Variants in CAND1 observed in about 807,000 individuals in gnomAD.
CAND1 encodes cullin-associated NEDD8-dissociated protein 1.
CAND1 carries 7 observed loss-of-function variants against 108.5 expected under a neutral mutation model. The ratio of observed to expected loss-of-function variants is 0.06; its 90% CI spans 0.04 to 0.12. The LOEUF (loss-of-function observed/expected upper bound fraction) is 0.12. Ranked by LOEUF, CAND1 falls within the 10% of genes least tolerant of loss-of-function variation. The probability of loss-of-function intolerance (pLI) is 1.00; values close to 1 mark genes in which losing one functional copy is unlikely to be tolerated. For synonymous variants in CAND1, 534 were observed against 512.0 expected (o/e 1.04, Z -0.58); for missense variants, 941 against 1,448.7 (o/e 0.65, Z 5.69).
At chr12:67,298,365 A>G (rs2044789719) in intron 6 of CAND1, among the ~76,000 whole-genome samples, 1 of 151,992 alleles carries the variant, frequency 6.6e-6, no homozygotes, top group African/African-American at 2.4e-5. Flanking sequence ...ATGCAGTAGC[A>G]TGGTGTCTTG....
rs761071984 is a variant in CAND1 at position 67,316,595 on chromosome 12, T to C, written c.*3765T>C. 4 of 152,204 alleles carry C rather than the reference T, an allele frequency of 2.6e-5. No homozygotes were observed. The highest frequency in any genetic ancestry group is 5.9e-5 in the Non-Finnish European group (4 of 68,038). 9.4% of individuals were successfully genotyped at this position (152,204 alleles called of 1,614,324 possible). A position where few individuals can be genotyped will look rare whatever the true frequency, so the allele number is the denominator to read the frequency against. ...ACCCTATAATGCCAGTGTGTCAGGTTTCAGAATGATATTTAGTAGACAGAA... is the reference window on the plus strand; with the variant it reads ...ACCCTATAATGCCAGTGTGTCAGGTCTCAGAATGATATTTAGTAGACAGAA... On this transcript the variant is annotated 3_prime_UTR_variant, in exon 15 of 15. Coordinates refer to ENST00000545606, the MANE Select transcript of CAND1 (RefSeq NM_018448.5).
chr12:67,297,823 G>C lies in CAND1; in HGVS notation c.824G>C (p.Cys275Ser), dbSNP rs1335018700. Residue 275 changes from cysteine to serine, a missense_variant, in exon 6 of 15, where the codon TGT (cysteine) becomes TCT (serine). Cys to Ser is a moderately radical substitution (Grantham distance 112, BLOSUM62 -1). Transcript: ENST00000545606. ...NVDDDELREY[C>S]IQAFESFVRR... ...GATGATGATGAATTAAGAGAGTACT[G>C]TATTCAAGCCTTTGAATCATTTGTA... is the stretch of plus-strand genomic sequence containing the variant. The C allele has an allele frequency of 6.3e-7, 1 of 1,598,376 alleles. No individual in the cohort carries two copies.
intron 1 of CAND1, among the ~76,000 whole-genome samples, chr12:67,274,583 A>C (rs1169247505): frequency 6.6e-6 from 1 of 152,210 alleles, no homozygotes; most frequent in East Asian, 1.9e-4. Context: ...TTGTTTAAGT[A>C]GAATTGGGTT....
chr12:67,312,188 G>A (rs1380282043), intron 14 of CAND1, among the ~76,000 whole-genome samples: 1 of 150,994 alleles, frequency 6.6e-6, no homozygotes. Context: ...TTTAGACCAA[G>A]AAGATGAAAC....
chr12:67,274,506 C>T (rs879437131), intron 1 of CAND1, among the ~76,000 whole-genome samples: 1 of 152,158 alleles, frequency 6.6e-6, no homozygotes, highest in Non-Finnish European at 1.5e-5. Flanking sequence ...AGAATAGGGA[C>T]CTTGTCTTAC....
At chr12:67,287,697 GTT>G (rs2044684484) in intron 2 of CAND1, among the ~76,000 whole-genome samples, 2 of 151,354 alleles carry the variant, frequency 1.3e-5, no homozygotes, top group East Asian at 3.9e-4. Context: ...TCTGTTGTCT[GTT>G]TCATTGATTT....
chr12:67,308,927 T>C (rs1275937408), intron 11 of CAND1, among the ~76,000 whole-genome samples: 1 of 151,968 alleles, frequency 6.6e-6, no homozygotes, highest in South Asian at 2.1e-4. Context: ...TTGCAGGTTT[T>C]TCAAGTTGGC....
At chr12:67,310,468 A>G in intron 13 of CAND1, 152 bp downstream of exon 13, 1 of 564,162 alleles carries the variant, frequency 1.8e-6, no homozygotes, top group Non-Finnish European at 3.1e-6. Flanking sequence ...TGCAAAAGTA[A>G]TAGGCAGTGT....
rs12425723 is a variant in CAND1 at position 67,277,559 on chromosome 12, T to C, written c.69-4351T>C. On this transcript the variant is annotated intron_variant, in intron 1 of 14. Coordinates refer to ENST00000545606, the MANE Select transcript of CAND1 (RefSeq NM_018448.5). ...AAAAAGCACAAACATGTGAAAAACATGGGCTGAAATAGGCCAAGAAGAAGA... is the reference window on the plus strand; with the variant it reads ...AAAAAGCACAAACATGTGAAAAACACGGGCTGAAATAGGCCAAGAAGAAGA... 2.2e-3 allele frequency among the ~76,000 whole-genome samples: 330 copies of C among 152,222 alleles called. 2 individuals are homozygous for C. The highest frequency in any genetic ancestry group is 0.016 in the East Asian group (84 of 5,168).
chr12:67,285,111 C>T (rs538959967), intron 2 of CAND1, among the ~76,000 whole-genome samples: 2 of 152,110 alleles, frequency 1.3e-5, no homozygotes, highest in Non-Finnish European at 2.9e-5. Flanking sequence ...TAGAAAGGAA[C>T]ACCCATTTAT....
rs982339181 is a variant in CAND1 at position 67,312,914 on chromosome 12, G to C, written c.*84G>C. ...TTAATCATAAGACATGGAAAGAGAA[G>C]TGTCTAAAAGCTTCAAAATGTTCCA... is the stretch of plus-strand genomic sequence containing the variant. On this transcript the variant is annotated 3_prime_UTR_variant, in exon 15 of 15. Transcript: ENST00000545606. 1.1e-6 allele frequency: 1 copy of C among 872,666 alleles called. No individual in the cohort carries two copies. The highest frequency in any genetic ancestry group is 1.7e-6 in the Non-Finnish European group (1 of 579,482). 54.1% of individuals were successfully genotyped at this position (872,666 alleles called of 1,614,324 possible). A position where few individuals can be genotyped will look rare whatever the true frequency, so the allele number is the denominator to read the frequency against.
Position 67,313,372 on chromosome 12 carries a change from A to G in CAND1, c.*542A>G, listed in dbSNP as rs1372333070. On this transcript the variant is annotated 3_prime_UTR_variant, in exon 15 of 15. Coordinates refer to ENST00000545606, the MANE Select transcript of CAND1 (RefSeq NM_018448.5). ...GGCAATTTTTAAAAGATAATAAGGT[A>G]TCATTTTTAAGTATGAAAATTAACA... 1 of 152,650 alleles carries G rather than the reference A, an allele frequency of 6.6e-6. No individual in the cohort carries two copies. Among genetic ancestry groups the G allele is most frequent in the African/African-American group, 2.4e-5 (1 of 41,458 alleles). The allele number at this position is 152,650 out of a possible 1,614,324, so 9.5% of individuals were successfully genotyped here. A position where few individuals can be genotyped will look rare whatever the true frequency, so the allele number is the denominator to read the frequency against.
At chr12:67,299,394 A>G (rs931480467) in intron 7 of CAND1, among the ~76,000 whole-genome samples, 1 of 152,164 alleles carries the variant, frequency 6.6e-6, no homozygotes, top group African/African-American at 2.4e-5. Flanking sequence ...GTATACAGAA[A>G]AAAATCTGTA....
In CAND1 at chr12:67,314,950, G is replaced by A. The variant is rs969869509; in HGVS notation, c.*2120G>A. ...TTAACTCCATACTCCTAGTGGTGATGTGGTCCAGATACTGGAATGGAAGTG... is the reference window on the plus strand; with the variant it reads ...TTAACTCCATACTCCTAGTGGTGATATGGTCCAGATACTGGAATGGAAGTG... On this transcript the variant is annotated 3_prime_UTR_variant, in exon 15 of 15. Coordinates refer to ENST00000545606, the MANE Select transcript of CAND1 (RefSeq NM_018448.5). The A allele has an allele frequency of 9.9e-5, 15 of 152,196 alleles. No individual in the cohort carries two copies. Among genetic ancestry groups the A allele is most frequent in the African/African-American group, 3.4e-4 (14 of 41,444 alleles). The allele number at this position is 152,196 out of a possible 1,614,324, so 9.4% of individuals were successfully genotyped here. A position where few individuals can be genotyped will look rare whatever the true frequency, so the allele number is the denominator to read the frequency against.
chr12:67,307,631 C>G, intron 11 of CAND1, 139 bp downstream of exon 11: 3 of 612,876 alleles, frequency 4.9e-6, no homozygotes, highest in Non-Finnish European at 8.6e-6. Flanking sequence ...TATGATCTTA[C>G]AACTTTTAAC....
intron 7 of CAND1, among the ~76,000 whole-genome samples, chr12:67,300,988 T>C (rs540079243): frequency 1.7e-4 from 26 of 152,180 alleles, no homozygotes; most frequent in Non-Finnish European, 1.8e-4. Flanking sequence ...TTTTGTGATT[T>C]ATAAAATCAA....
At position 67,269,959 on chromosome 12, in the gene CAND1, C is replaced by T. The variant is rs566932045; in HGVS notation, c.68+174C>T. 57 of 559,480 alleles carry T rather than the reference C, an allele frequency of 1.0e-4. No homozygotes were observed. In the African/African-American group the frequency reaches 1.1e-3, roughly 11 times the overall value. 34.7% of individuals were successfully genotyped at this position (559,480 alleles called of 1,614,324 possible). The stretch of plus-strand genomic sequence containing the variant: ...TCCCTGCGGAGCCCCTTTCCTCTCC[C>T]CTCTTGCAACCCCCTCCCCCCATTC... On this transcript the variant is annotated intron_variant, in intron 1 of 14. Coordinates refer to ENST00000545606, the MANE Select transcript of CAND1 (RefSeq NM_018448.5).
chr12:67,283,309 A>C (rs2044637325), intron 2 of CAND1, among the ~76,000 whole-genome samples: 1 of 152,106 alleles, frequency 6.6e-6, no homozygotes, highest in African/African-American at 2.4e-5. Context: ...GTTGTATGGG[A>C]GTGGTGGTTC....
Position 67,307,463 on chromosome 12 carries a change from C to T in CAND1, c.2996C>T (p.Pro999Leu). ...VKFTISDHPQPIDPLLKNCIG... is the reference protein window; with the variant it reads ...VKFTISDHPQLIDPLLKNCIG... ...TTTACAATTTCTGACCATCCACAACCTATTGATCCACTGTTAAAGAACTGC... is the reference window on the plus strand; with the variant it reads ...TTTACAATTTCTGACCATCCACAACTTATTGATCCACTGTTAAAGAACTGC... Residue 999 changes from proline to leucine, a missense_variant, in exon 11 of 15, where the codon CCT (proline) becomes CTT (leucine). Physicochemically the swap from Pro to Leu is moderately conservative, Grantham distance 98 (BLOSUM62 -3). Around this residue, in one of 9 missense-constraint regions of CAND1, gnomAD observed 106 missense variants for 182.0 expected, o/e 0.58. Transcript: ENST00000545606. 6.2e-7 allele frequency: 1 copy of T among 1,609,994 alleles called. No homozygotes were observed. Among genetic ancestry groups the T allele is most frequent in the South Asian group, 1.1e-5 (1 of 90,452 alleles).
Sources: allele counts gnomAD v4.1 joint callset (sites outside exome capture counted in the v4.1 genomes callset), GRCh38; gene constraint gnomAD v4.1.1; regional missense constraint gnomAD v4.1.1; transcripts MANE v1.5; gene names NCBI Gene and HGNC (gene_info 2026-07-23, HGNC 2026-07-21).